Variants in PDE4D observed in about 807,000 individuals in gnomAD.
The protein encoded by PDE4D is phosphodiesterase 4D, also known as 3',5'-cyclic-AMP phosphodiesterase 4D.
In PDE4D, 24 loss-of-function variants were observed where a neutral mutation model predicts 87.4. The observed-to-expected ratio is 0.27, with a 90% CI of 0.20 to 0.39. The LOEUF (loss-of-function observed/expected upper bound fraction) is 0.39. Among genes scored for constraint, PDE4D ranks in the 10% least tolerant of loss-of-function variants. The pLI is 1.00. For missense variants in PDE4D, 714 were observed against 1,041.0 expected (o/e 0.69, Z 4.32); for synonymous variants, 384 against 383.2 (o/e 1.00, Z -0.02).
chr5:59,419,652 G>A (rs1395408876), intron 1 of PDE4D, among the ~76,000 whole-genome samples: 1 of 152,136 alleles, frequency 6.6e-6, no homozygotes, highest in African/African-American at 2.4e-5. Context: ...AGAGTTTCCT[G>A]TACAACAGTT....
chr5:60,489,537 A>C (rs115220655), upstream of PDE4D: 230 of 152,336 alleles, frequency 1.5e-3, no homozygotes, highest in African/African-American at 5.3e-3. Context: ...AGAAAAAGTA[A>C]TCCATTGGCA....
chr5:59,710,294 A>G (rs762732193), intron 1 of PDE4D, among the ~76,000 whole-genome samples: 1 of 152,202 alleles, frequency 6.6e-6, no homozygotes, highest in African/African-American at 2.4e-5. Context: ...ACTTAGCATG[A>G]GAGGCAGGAA....
At chr5:60,503,600 T>C (rs2150248305) in intron 1 of PDE4D, among the ~76,000 whole-genome samples, 1 of 152,292 alleles carries the variant, frequency 6.6e-6, no homozygotes, top group Middle Eastern at 3.4e-3. Context: ...AAGGTTGTTG[T>C]ATCTTTATTA....
At chr5:59,277,182 A>T (rs904768543) in intron 1 of PDE4D, among the ~76,000 whole-genome samples, 6 of 152,180 alleles carry the variant, frequency 3.9e-5, no homozygotes, top group African/African-American at 1.4e-4. Context: ...CATCCGCCAG[A>T]GGCTCTGGCT....
chr5:60,495,319 A>T (rs962561790), intron 1 of PDE4D, among the ~76,000 whole-genome samples: 19 of 152,312 alleles, frequency 1.2e-4, no homozygotes, highest in African/African-American at 4.6e-4. Context: ...AGGAAATAAC[A>T]CAGTGGCTCT....
At chr5:60,459,491 TAC>T (rs765863073) in intron 1 of PDE4D, among the ~76,000 whole-genome samples, 16 of 152,120 alleles carry the variant, frequency 1.1e-4, no homozygotes, top group Admixed American at 2.6e-4. Flanking sequence ...AAGCCCAAGA[TAC>T]AGAGAAAGGA....
intron 5 of PDE4D, among the ~76,000 whole-genome samples, chr5:59,128,145 C>T (rs1393471545): frequency 2.0e-5 from 3 of 151,888 alleles, no homozygotes; most frequent in African/African-American, 7.2e-5. Context: ...AAGGCTATTC[C>T]CCCGACACAG....
At chr5:59,745,792 C>T (rs561115663) in intron 1 of PDE4D, among the ~76,000 whole-genome samples, 9 of 152,230 alleles carry the variant, frequency 5.9e-5, no homozygotes, top group African/African-American at 2.2e-4. Flanking sequence ...ATGTTGCTTG[C>T]AGGGCGCACT....
At chr5:60,420,387 T>G (rs77850361) in intron 1 of PDE4D, among the ~76,000 whole-genome samples, 4,157 of 152,314 alleles carry the variant, frequency 0.027, 92 homozygotes, top group Middle Eastern at 0.078. Flanking sequence ...CTGGGATTTC[T>G]CAAAGATTTG....
Position 60,518,180 on chromosome 5 carries a change from G to A in PDE4D, n.70+3871C>T, listed in dbSNP as rs147341664. ...TGGCATGACTGGCTGTGCACAATGG[G>A]CAGCTCCCTTGTTCACATACCCCTT... On this transcript the variant is annotated intron_variant and non_coding_transcript_variant, in intron 1 of 2. Transcript: ENST00000506510. 3.5e-3 allele frequency among the ~76,000 whole-genome samples: 537 copies of A among 152,356 alleles called. 2 individuals are homozygous for A. Among genetic ancestry groups the A allele is most frequent in the Middle Eastern group, 0.017 (5 of 294 alleles).
chr5:58,986,744 T>C (rs565681951), intron 11 of PDE4D, among the ~76,000 whole-genome samples: 1 of 152,250 alleles, frequency 6.6e-6, no homozygotes, highest in South Asian at 2.1e-4. Context: ...GCCAAAAACA[T>C]TGGAGACTGC....
chr5:59,414,144 A>T (rs952917611), intron 1 of PDE4D, among the ~76,000 whole-genome samples: 4 of 152,236 alleles, frequency 2.6e-5, no homozygotes, highest in African/African-American at 7.2e-5. Flanking sequence ...CACGTGCTCC[A>T]TCTGAACCCT....
chr5:59,529,296 G>A, intron 1 of PDE4D: 1 of 328,560 alleles, frequency 3.0e-6, no homozygotes, highest in Admixed American at 3.3e-5. Context: ...TAAATAAATT[G>A]TCTATTAATC....
At chr5:59,791,035 T>C (rs1765726046) in intron 1 of PDE4D, among the ~76,000 whole-genome samples, 1 of 152,222 alleles carries the variant, frequency 6.6e-6, no homozygotes, top group African/African-American at 2.4e-5. Flanking sequence ...GCCTTGTCCC[T>C]GTCTGAGGAA....
At chr5:59,261,097 G>A (rs1238936007) in intron 1 of PDE4D, among the ~76,000 whole-genome samples, 1 of 151,852 alleles carries the variant, frequency 6.6e-6, no homozygotes, top group Non-Finnish European at 1.5e-5. Flanking sequence ...GGTTCATTGT[G>A]AAAGTCAGAT....
At chr5:59,569,857 T>C (rs949497536) in intron 1 of PDE4D, among the ~76,000 whole-genome samples, 1 of 152,172 alleles carries the variant, frequency 6.6e-6, no homozygotes, top group Non-Finnish European at 1.5e-5. Flanking sequence ...AAGCACAATA[T>C]TCCAGCTGAG....
At chr5:59,650,555 A>G (rs1189407417) in intron 1 of PDE4D, among the ~76,000 whole-genome samples, 1 of 152,212 alleles carries the variant, frequency 6.6e-6, no homozygotes, top group Non-Finnish European at 1.5e-5. Flanking sequence ...GGAATCTTAA[A>G]AGACTCAGCA....
In PDE4D at chr5:59,240,787, C is replaced by CAT. The variant is rs1450955910; in HGVS notation, c.456-24820_456-24819insAT. On this transcript the variant is annotated intron_variant, in intron 1 of 14. Coordinates refer to ENST00000340635, the MANE Select transcript of PDE4D (RefSeq NM_001104631.2). ...CTTCGGAAAAATTCACAAACACACA[C>CAT]ACACACACACACACACACACATCCC... 6.9e-3 allele frequency among the ~76,000 whole-genome samples: 434 copies of CAT among 63,088 alleles called. 4 individuals are homozygous for CAT. Among genetic ancestry groups the CAT allele is most frequent in the African/African-American group, 0.029 (418 of 14,648 alleles). The allele number at this position is 63,088 out of a possible 152,430, so 41.4% of individuals were successfully genotyped here.
At chr5:59,700,755 C>G (rs1212429799) in intron 1 of PDE4D, among the ~76,000 whole-genome samples, 1 of 152,142 alleles carries the variant, frequency 6.6e-6, no homozygotes, top group Non-Finnish European at 1.5e-5. Flanking sequence ...AATGACTGGT[C>G]CCCTTCTCCA....
Sources: gnomAD v4.1 joint callset for allele counts (sites outside exome capture counted in the v4.1 genomes callset) on GRCh38, gnomAD v4.1.1 for gene constraint, MANE v1.5 for transcripts, NCBI Gene and HGNC (gene_info 2026-07-23, HGNC 2026-07-21) for gene names.